PCDHGA9: variants seen among roughly 807,000 people sequenced by gnomAD.
PCDHGA9 encodes the protein protocadherin gamma-A9.
A neutral mutation model predicts 62.5 loss-of-function variants in PCDHGA9; 37 were observed. The observed-to-expected ratio is 0.59, with a 90% CI of 0.46 to 0.78. The LOEUF (loss-of-function observed/expected upper bound fraction) is 0.78, where lower values mean the gene tolerates loss of function less well. Ranked by LOEUF, PCDHGA9 falls within the 30% of genes least tolerant of loss-of-function variation. The probability of loss-of-function intolerance (pLI) is 0.00; values close to 1 mark genes in which losing one functional copy is unlikely to be tolerated. For missense variants in PCDHGA9, 1,138 were observed against 1,166.2 expected, an observed-to-expected ratio of 0.98 and a Z score of 0.35; for synonymous variants, 459 against 484.6, an observed-to-expected ratio of 0.95 and a Z score of 0.69.
intron 1 of PCDHGA9, chr5:141,413,388 C>G (rs765673305): frequency 6.2e-7 from 1 of 1,613,894 alleles, no homozygotes; most frequent in African/African-American, 1.3e-5. Context: ...TCCGCATAGT[C>G]TCCAGAGGTA....
intron 1 of PCDHGA9, among the ~76,000 whole-genome samples, chr5:141,469,484 A>AGAATCGCT (rs1279677032): frequency 6.6e-6 from 1 of 152,074 alleles, no homozygotes; most frequent in African/African-American, 2.4e-5. Flanking sequence ...CTGAGGCAGG[A>AGAATCGCT]GAATCGCTTG....
rs1173627393 is a variant in PCDHGA9 at position 141,487,102 on chromosome 5, G to A, written c.2425-7705G>A. ...CAGCTGACCTCCCACCACAGAAGCT[G>A]GTCATTGTGGTAAAGGATAGTGGTA... On this transcript the variant is annotated intron_variant, in intron 1 of 3. Coordinates refer to ENST00000573521, the MANE Select transcript of PCDHGA9 (RefSeq NM_018921.3). This position sits in a 1 kb window ranked among gnomAD's most constrained non-coding sequence, Gnocchi z 5.0. 1 of 1,613,900 alleles carries A rather than the reference G, an allele frequency of 6.2e-7. No homozygotes were observed.
intron 1 of PCDHGA9, chr5:141,413,354 C>T: frequency 6.2e-7 from 1 of 1,613,974 alleles, no homozygotes; most frequent in South Asian, 1.1e-5. Flanking sequence ...GGTCTGGCGC[C>T]CCGGGAGCTG....
rs539072548 is a variant in PCDHGA9 at position 141,421,546 on chromosome 5, A to G, written c.2424+16170A>G. 4.3e-6 allele frequency: 7 copies of G among 1,613,896 alleles called. No homozygotes were observed. The South Asian group carries it at 4.4e-5, about 10-fold the overall frequency. ...GACGGTGTCCTCCTGTTTTTTAAAT[A>G]TGGAACTTCTCGTGGAAGACACCTT... On this transcript the variant is annotated intron_variant, in intron 1 of 3. Transcript: ENST00000573521.
chr5:141,485,577 G>A lies in PCDHGA9; in HGVS notation c.2425-9230G>A. Reference sequence around the variant, plus strand: ...AATGATCACGCCCCCCGTTTTCCGCGGCAGCAGCTGGACTTGGAAATTGGG... The same window carrying A: ...AATGATCACGCCCCCCGTTTTCCGCAGCAGCAGCTGGACTTGGAAATTGGG... On this transcript the variant is annotated intron_variant, in intron 1 of 3. Transcript: ENST00000573521. This position sits in a 1 kb window ranked among gnomAD's most constrained non-coding sequence, Gnocchi z 5.7. 2 of 1,612,500 alleles carry A rather than the reference G, an allele frequency of 1.2e-6. No individual in the cohort carries two copies. Among genetic ancestry groups the A allele is most frequent in the Non-Finnish European group, 8.5e-7 (1 of 1,178,676 alleles).
At chr5:141,414,583 G>A (rs570765907) in intron 1 of PCDHGA9, 1 of 1,613,736 alleles carries the variant, frequency 6.2e-7, no homozygotes, top group Non-Finnish European at 8.5e-7. Context: ...AGAGAACAAC[G>A]CCAGGGGTGC....
chr5:141,422,563 G>A, intron 1 of PCDHGA9: 3 of 1,613,986 alleles, frequency 1.9e-6, no homozygotes, highest in African/African-American at 1.3e-5. Flanking sequence ...TGTGGCAGAT[G>A]ACAACGATAA....
chr5:141,459,609 T>C (rs939880462), intron 1 of PCDHGA9, among the ~76,000 whole-genome samples: 1 of 152,230 alleles, frequency 6.6e-6, no homozygotes, highest in African/African-American at 2.4e-5. Context: ...AAGTATATGC[T>C]TAACTTTATA....
Position 141,431,938 on chromosome 5 carries a change from A to G in PCDHGA9, c.2424+26562A>G, listed in dbSNP as rs150199588. 49 of 1,614,050 alleles carry G rather than the reference A, an allele frequency of 3.0e-5. No individual in the cohort carries two copies. Among genetic ancestry groups the G allele is most frequent in the Non-Finnish European group, 3.9e-5 (46 of 1,180,026 alleles). Reference sequence around the variant, plus strand: ...TCATCCAAGGAAATCTGCCCTTTAAATTAGAAAAATCTTACGGAAATTACT... The same window carrying G: ...TCATCCAAGGAAATCTGCCCTTTAAGTTAGAAAAATCTTACGGAAATTACT... On this transcript the variant is annotated intron_variant, in intron 1 of 3. Coordinates refer to ENST00000573521, the MANE Select transcript of PCDHGA9 (RefSeq NM_018921.3). This position sits in a 1 kb window ranked among gnomAD's most constrained non-coding sequence, Gnocchi z 4.8.
intron 1 of PCDHGA9, among the ~76,000 whole-genome samples, chr5:141,438,039 C>T (rs1373700448): frequency 6.6e-6 from 1 of 152,024 alleles, no homozygotes; most frequent in Non-Finnish European, 1.5e-5. Flanking sequence ...CCATGCCCGA[C>T]CACTTTGAGT....
chr5:141,431,297 C>T lies in PCDHGA9; in HGVS notation c.2424+25921C>T. The T allele has an allele frequency of 6.2e-7, 1 of 1,614,126 alleles. No homozygotes were observed. The highest frequency in any genetic ancestry group is 8.5e-7 in the Non-Finnish European group (1 of 1,180,036). Reference sequence around the variant, plus strand: ...GCTCAGCCCGAACACTCACTTCTCCCTCATCGTGCAAAATGGAGCCGACGG... The same window carrying T: ...GCTCAGCCCGAACACTCACTTCTCCTTCATCGTGCAAAATGGAGCCGACGG... On this transcript the variant is annotated intron_variant, in intron 1 of 3. Coordinates refer to ENST00000573521, the MANE Select transcript of PCDHGA9 (RefSeq NM_018921.3). This position sits in a 1 kb window ranked among gnomAD's most constrained non-coding sequence, Gnocchi z 4.8.
Position 141,490,012 on chromosome 5 carries a change from G to A in PCDHGA9, c.2425-4795G>A. 1 of 1,614,232 alleles carries A rather than the reference G, an allele frequency of 6.2e-7. No homozygotes were observed. Among genetic ancestry groups the A allele is most frequent in the Non-Finnish European group, 8.5e-7 (1 of 1,180,044 alleles). ...GGGAATCCCAGAGAATGCACCCATT[G>A]GTACTCTGCTGCTCCGCCTCAATGC... is the stretch of plus-strand genomic sequence containing the variant. On this transcript the variant is annotated intron_variant, in intron 1 of 3. Transcript: ENST00000573521. This position sits in a 1 kb window ranked among gnomAD's most constrained non-coding sequence, Gnocchi z 5.4.
rs1183407162 is a variant in PCDHGA9 at position 141,422,793 on chromosome 5, C to G, written c.2424+17417C>G. 3 of 1,614,110 alleles carry G rather than the reference C, an allele frequency of 1.9e-6. No individual in the cohort carries two copies. The South Asian group carries it at 3.3e-5, about 18-fold the overall frequency. On this transcript the variant is annotated intron_variant, in intron 1 of 3. Transcript: ENST00000573521. Reference sequence around the variant, plus strand: ...TTCTCTATGCCCTACAATCCTTCGACTATGAGCAGTTTCGAGACTTAGAAC... The same window carrying G: ...TTCTCTATGCCCTACAATCCTTCGAGTATGAGCAGTTTCGAGACTTAGAAC...
intron 1 of PCDHGA9, among the ~76,000 whole-genome samples, chr5:141,479,817 A>T (rs773702225): frequency 6.6e-6 from 1 of 152,230 alleles, no homozygotes; most frequent in Non-Finnish European, 1.5e-5. Flanking sequence ...CAAGGATACT[A>T]TCCAAGGCAT....
rs1214853229 is a variant in PCDHGA9 at position 141,432,238 on chromosome 5, GAA to G, written c.2424+26863_2424+26864del. ...CCCAGATCACTTATTCCCTGGCTGA[GAA>G]CACCATCCAAGGGGCAAGCCTATCG... On this transcript the variant is annotated intron_variant, in intron 1 of 3. Coordinates refer to ENST00000573521, the MANE Select transcript of PCDHGA9 (RefSeq NM_018921.3). The surrounding 1 kb of genome is among the most constrained non-coding windows in gnomAD (Gnocchi z 6.0). 1 of 1,614,216 alleles carries G rather than the reference GAA, an allele frequency of 6.2e-7. No homozygotes were observed. The highest frequency in any genetic ancestry group is 2.2e-5 in the East Asian group (1 of 44,882).
intron 1 of PCDHGA9, chr5:141,430,850 A>T (rs1204872595): frequency 6.3e-7 from 1 of 1,582,670 alleles, no homozygotes; most frequent in South Asian, 1.2e-5. Context: ...ATGCACCCAG[A>T]TACGCTATTC....
intron 1 of PCDHGA9, among the ~76,000 whole-genome samples, chr5:141,450,006 C>CTATTTT (rs70988802): frequency 0.12 from 16,177 of 132,696 alleles, 1,810 homozygotes; most frequent in African/African-American, 0.21. Flanking sequence ...TGCCATGTCT[C>CTATTTT]TTTTTTTTTT....
At chr5:141,430,603 C>A in intron 1 of PCDHGA9, 1 of 632,906 alleles carries the variant, frequency 1.6e-6, no homozygotes, top group Non-Finnish European at 2.5e-6. Context: ...GCGCCTGAAG[C>A]ACAAAGCAGA....
chr5:141,419,148 C>G, intron 1 of PCDHGA9: 1 of 1,613,940 alleles, frequency 6.2e-7, no homozygotes. Flanking sequence ...AGGGGCAAGC[C>G]TCCGTTATCC....
Sources: gnomAD v4.1 joint callset for allele counts (sites outside exome capture counted in the v4.1 genomes callset) on GRCh38, gnomAD v4.1.1 for gene constraint, Gnocchi (gnomAD v3.1) non-coding constraint, MANE v1.5 for transcripts, NCBI Gene and HGNC (gene_info 2026-07-23, HGNC 2026-07-21) for gene names.